The following CDH4 variants were observed in gnomAD, a reference collection of about 807,000 sequenced individuals.
The protein encoded by CDH4 is cadherin 4, also known as cadherin-4.
A neutral mutation model predicts 86.0 loss-of-function variants in CDH4; 33 were observed. That is an observed-to-expected ratio of 0.38 (90% confidence interval 0.29 to 0.51). CDH4 has a LOEUF of 0.51. CDH4 is among the 20% of genes least tolerant of loss of function. The probability of loss-of-function intolerance (pLI) is 0.86; values close to 1 mark genes in which losing one functional copy is unlikely to be tolerated. For missense variants in CDH4, 1,114 were observed against 1,307.4 expected, an observed-to-expected ratio of 0.85 and a Z score of 2.28; for synonymous variants, 555 against 549.4, an observed-to-expected ratio of 1.01 and a Z score of -0.14.
At chr20:61,321,035 T>C (rs1981297) in intron 2 of CDH4, among the ~76,000 whole-genome samples, 141,589 of 152,058 alleles carry the variant, frequency 0.93, 65,982 homozygotes, top group East Asian at 1. Flanking sequence ...CCCGGGTCCT[T>C]CCCCAGGGTC....
In CDH4 at chr20:61,269,955, G is replaced by C. The variant is rs923400162; in HGVS notation, c.169+15018G>C. On this transcript the variant is annotated intron_variant, in intron 2 of 15. Coordinates refer to ENST00000614565, the MANE Select transcript of CDH4 (RefSeq NM_001794.5). This position sits in a 1 kb window ranked among gnomAD's most constrained non-coding sequence, Gnocchi z 5.3. Reference sequence around the variant, plus strand: ...CCAGAATCTGGCCCCCAGATGTGGAGAGGGCCGGCCGACCTTTGCGGCAGT... The same window carrying C: ...CCAGAATCTGGCCCCCAGATGTGGACAGGGCCGGCCGACCTTTGCGGCAGT... Among the ~76,000 whole-genome samples the C allele has an allele frequency of 6.6e-6, 1 of 152,222 alleles. No homozygotes were observed. Among genetic ancestry groups the C allele is most frequent in the Non-Finnish European group, 1.5e-5 (1 of 68,040 alleles).
At chr20:61,419,965 G>C (rs2085168229) in intron 2 of CDH4, among the ~76,000 whole-genome samples, 1 of 152,232 alleles carries the variant, frequency 6.6e-6, no homozygotes. Context: ...CACAGTAGGT[G>C]TCTGTTGAAT....
chr20:61,413,677 T>A (rs2085132252), intron 2 of CDH4, among the ~76,000 whole-genome samples: 1 of 152,218 alleles, frequency 6.6e-6, no homozygotes, highest in South Asian at 2.1e-4. Context: ...ACATAGTAGA[T>A]GCTCAGATAT....
chr20:61,387,179 CACACACAG>C (rs894018333), intron 2 of CDH4, among the ~76,000 whole-genome samples: 21 of 87,258 alleles, frequency 2.4e-4, no homozygotes, highest in Middle Eastern at 4.8e-3. Flanking sequence ...ATGACACACA[CACACACAG>C]ACACACACAC....
chr20:61,662,492 G>C (rs1314325530), intron 2 of CDH4, among the ~76,000 whole-genome samples: 1 of 152,240 alleles, frequency 6.6e-6, no homozygotes, highest in Non-Finnish European at 1.5e-5. Flanking sequence ...GGGAAGAGAA[G>C]CCTGAATGAG....
chr20:61,370,879 G>C (rs951968471), intron 2 of CDH4: 1 of 152,124 alleles, frequency 6.6e-6, no homozygotes, highest in African/African-American at 2.4e-5. Context: ...CGAGCCTTCT[G>C]TCATTGTGAG....
chr20:61,406,291 C>T (rs146426817), intron 2 of CDH4, among the ~76,000 whole-genome samples: 17,053 of 146,366 alleles, frequency 0.12, 1,936 homozygotes, highest in African/African-American at 0.28. Flanking sequence ...CTGCTCTGCC[C>T]GGACCAGCAT....
chr20:61,822,253 C>A (rs142565533), intron 4 of CDH4, among the ~76,000 whole-genome samples: 24 of 152,220 alleles, frequency 1.6e-4, no homozygotes, highest in African/African-American at 4.3e-4. Flanking sequence ...GTAATGGAAA[C>A]CTTTGTCATT....
At chr20:61,440,860 A>G (rs2085311612) in intron 2 of CDH4, among the ~76,000 whole-genome samples, 1 of 152,202 alleles carries the variant, frequency 6.6e-6, no homozygotes, top group Non-Finnish European at 1.5e-5. Context: ...TCAGGTGTCT[A>G]AATGCCACTG....
intron 2 of CDH4, among the ~76,000 whole-genome samples, chr20:61,358,640 CAAA>C (rs2084766611): frequency 6.6e-6 from 1 of 152,224 alleles, no homozygotes; most frequent in East Asian, 1.9e-4. Flanking sequence ...CAGAGAGGGT[CAAA>C]TGCACGGCCC....
chr20:61,515,305 C>T (rs1399640258), intron 2 of CDH4, among the ~76,000 whole-genome samples: 1 of 152,218 alleles, frequency 6.6e-6, no homozygotes, highest in East Asian at 1.9e-4. Context: ...ACAGCAGGAA[C>T]CTGCAGGTCC....
chr20:61,299,247 T>C (rs2084373378), intron 2 of CDH4, among the ~76,000 whole-genome samples: 1 of 152,094 alleles, frequency 6.6e-6, no homozygotes, highest in East Asian at 1.9e-4. Flanking sequence ...GGAGCAGAGA[T>C]GGGAGTGATA....
intron 2 of CDH4, among the ~76,000 whole-genome samples, chr20:61,589,883 GACAA>G (rs1319471069): frequency 6.6e-6 from 1 of 151,886 alleles, no homozygotes; most frequent in Non-Finnish European, 1.5e-5. Flanking sequence ...ACATTGCGTG[GACAA>G]ACAGAGAACA....
intron 4 of CDH4, among the ~76,000 whole-genome samples, chr20:61,776,800 C>T (rs2145991685): frequency 6.6e-6 from 1 of 152,334 alleles, no homozygotes; most frequent in East Asian, 1.9e-4. Flanking sequence ...TTACAAGTGG[C>T]ATACGTCAAT....
intron 2 of CDH4, among the ~76,000 whole-genome samples, chr20:61,713,871 G>T (rs2087920150): frequency 6.6e-6 from 1 of 152,150 alleles, no homozygotes; most frequent in Non-Finnish European, 1.5e-5. Flanking sequence ...TCATCAACAA[G>T]GCGGGTGTGG....
intron 4 of CDH4, among the ~76,000 whole-genome samples, chr20:61,794,205 G>C (rs1209879009): frequency 6.6e-6 from 1 of 151,912 alleles, no homozygotes; most frequent in Non-Finnish European, 1.5e-5. Flanking sequence ...CAGCTCAGGA[G>C]GTGTTTAAGC....
intron 4 of CDH4, among the ~76,000 whole-genome samples, chr20:61,819,180 G>C (rs1376267589): frequency 2.6e-5 from 4 of 152,216 alleles, no homozygotes; most frequent in Non-Finnish European, 5.9e-5. Context: ...TTCCCAGATA[G>C]ACCCCCTCAG....
intron 11 of CDH4, among the ~76,000 whole-genome samples, chr20:61,926,549 G>A (rs2055046716): frequency 6.6e-6 from 1 of 152,174 alleles, no homozygotes; most frequent in Non-Finnish European, 1.5e-5. Flanking sequence ...CCCTGCCGCA[G>A]CTCAAGCCCT....
chr20:61,821,588 A>G (rs1981046505), intron 4 of CDH4, among the ~76,000 whole-genome samples: 1 of 152,066 alleles, frequency 6.6e-6, no homozygotes, highest in South Asian at 2.1e-4. Context: ...GGAGGCAGAA[A>G]GGTCCAGTCC....
Sources: gnomAD v4.1 joint callset for allele counts (sites outside exome capture counted in the v4.1 genomes callset) on GRCh38, gnomAD v4.1.1 for gene constraint, Gnocchi (gnomAD v3.1) non-coding constraint, MANE v1.5 for transcripts, NCBI Gene and HGNC (gene_info 2026-07-23, HGNC 2026-07-21) for gene names.